Variants in FADS2 observed in about 807,000 individuals in gnomAD.
FADS2 encodes acyl-CoA 6-desaturase.
FADS2 carries 18 observed loss-of-function variants against 61.2 expected under a neutral mutation model. That is an observed-to-expected ratio of 0.29 (90% CI 0.20 to 0.44). FADS2 has a LOEUF of 0.44. FADS2 is among the 20% of genes least tolerant of loss of function. The pLI, the probability that FADS2 is intolerant of heterozygous loss-of-function variation, is 1.00. For missense variants in FADS2, 322 were observed against 572.7 expected, an observed-to-expected ratio of 0.56 and a Z score of 4.47; for synonymous variants, 203 against 223.9, an observed-to-expected ratio of 0.91 and a Z score of 0.83.
intron 1 of FADS2, among the ~76,000 whole-genome samples, chr11:61,821,814 G>T (rs1477894090): frequency 2.0e-5 from 3 of 152,224 alleles, no homozygotes; most frequent in Admixed American, 6.5e-5. Flanking sequence ...ATGACATATA[G>T]TGCTTAAACT....
chr11:61,865,022 TTGAGAC>T lies in FADS2; in HGVS notation c.1158-127_1158-122del, dbSNP rs1223756442. The stretch of plus-strand genomic sequence containing the variant: ...CTGGGCACACACGAGGAGCCACACT[TTGAGAC>T]TGGTCCTGGCTGTGGACAGGGTCTC... On this transcript the variant is annotated intron_variant, in intron 10 of 11. Coordinates refer to ENST00000278840, the MANE Select transcript of FADS2 (RefSeq NM_004265.4). The surrounding 1 kb of genome is among the most constrained non-coding windows in gnomAD (Gnocchi z 4.1). 8.8e-7 allele frequency: 1 copy of T among 1,130,096 alleles called. No homozygotes were observed. The highest frequency in any genetic ancestry group is 1.5e-5 in the African/African-American group (1 of 64,740). 70.0% of individuals were successfully genotyped at this position (1,130,096 alleles called of 1,614,324 possible).
rs1211208629 is a variant in FADS2 at position 61,840,220 on chromosome 11, T to C, written c.319-114T>C. On this transcript the variant is annotated intron_variant, in intron 2 of 11. Transcript: ENST00000278840. ...GGTCGAGGCTTGTGGCTTGGCCCCC[T>C]CTTGCCACAGCTTCTCTGGGTTGTG... 28 of 876,492 alleles carry C rather than the reference T, an allele frequency of 3.2e-5. 1 individual carries two copies. Among genetic ancestry groups the C allele is most frequent in the Admixed American group, 5.9e-5 (3 of 50,586 alleles). 54.3% of individuals were successfully genotyped at this position (876,492 alleles called of 1,614,324 possible). A position where few individuals can be genotyped will look rare whatever the true frequency, so the allele number is the denominator to read the frequency against.
upstream of FADS2, chr11:61,826,206 G>A (rs1195260980): frequency 8.5e-6 from 6 of 702,274 alleles, no homozygotes; most frequent in African/African-American, 3.5e-5. Context: ...CCCATCTACC[G>A]CCGGCCTCAT....
intron 10 of FADS2, among the ~76,000 whole-genome samples, chr11:61,864,474 T>C (rs2067444918): frequency 6.6e-6 from 1 of 152,048 alleles, no homozygotes; most frequent in Non-Finnish European, 1.5e-5. Context: ...GCTCACTGCA[T>C]CCTCCACCTA....
At chr11:61,860,782 G>A (rs572443186) in intron 7 of FADS2, among the ~76,000 whole-genome samples, 13 of 152,242 alleles carry the variant, frequency 8.5e-5, no homozygotes, top group Admixed American at 2.0e-4. Context: ...GGTGATGCGC[G>A]CCTGTAATCT....
At chr11:61,859,367 T>C (rs2135977612) in intron 7 of FADS2, among the ~76,000 whole-genome samples, 1 of 152,336 alleles carries the variant, frequency 6.6e-6, no homozygotes, top group Non-Finnish European at 1.5e-5. Context: ...TGTTGATTAC[T>C]GTTTTATCGC....
chr11:61,826,290 C>G (rs945985566), upstream of FADS2: 2 of 702,510 alleles, frequency 2.8e-6, no homozygotes, highest in Non-Finnish European at 5.2e-6. Flanking sequence ...CAGGACCTAC[C>G]CTGGCTGGTA....
At position 61,816,737 on chromosome 11, in the gene FADS2, C is replaced by A. The variant is rs1565322810; in HGVS notation, c.141+311C>A. 1 of 1,555,682 alleles carries A rather than the reference C, an allele frequency of 6.4e-7. No individual in the cohort carries two copies. Among genetic ancestry groups the A allele is most frequent in the East Asian group, 2.4e-5 (1 of 41,650 alleles). ...GTAGGTCCCTGAGCCGCGGTCTCGG[C>A]GGCCACCGGGTCGGGGGCCATAGCT... On this transcript the variant is annotated intron_variant, in intron 1 of 11. Transcript: ENST00000257261. This position sits in a 1 kb window ranked among gnomAD's most constrained non-coding sequence, Gnocchi z 7.0.
rs375030295 is a variant in FADS2, at chr11:61,821,356, CTG to C, written c.141+4932_141+4933del. 11 of 699,534 alleles carry C rather than the reference CTG, an allele frequency of 1.6e-5. No individual in the cohort carries two copies. The African/African-American group carries it at 1.9e-4, about 12-fold the overall frequency. The allele number at this position is 699,534 out of a possible 1,614,324, so 43.3% of individuals were successfully genotyped here. A position where few individuals can be genotyped will look rare whatever the true frequency, so the allele number is the denominator to read the frequency against. On this transcript the variant is annotated intron_variant, in intron 1 of 11. Transcript: ENST00000257261. ...ACAACATAGTGAGACCCCTTCCTAA[CTG>C]TCCCACCATTTTCTCTCTAAAGAAA...
rs1037557966 is a variant in FADS2, at chr11:61,860,511, C to G, written c.883-2461C>G. ...TTCCTGTTGGCTTCCAGGTCCCCAC[C>G]TCTGCTGGCTTCTTCCCAACCCCCT... is the stretch of plus-strand genomic sequence containing the variant. On this transcript the variant is annotated intron_variant, in intron 7 of 11. Transcript: ENST00000278840. Among the ~76,000 whole-genome samples the G allele has an allele frequency of 2.0e-5, 3 of 152,364 alleles. No homozygotes were observed. In the East Asian group the frequency reaches 5.8e-4, roughly 29 times the overall value.
chr11:61,857,656 T>G, intron 7 of FADS2, 126 bp downstream of exon 7: 1 of 729,764 alleles, frequency 1.4e-6, no homozygotes. Context: ...ATCTCCTCCC[T>G]GGGGTAGCTG....
chr11:61,824,193 C>G (rs1215578137), upstream of FADS2, among the ~76,000 whole-genome samples: 1 of 151,698 alleles, frequency 6.6e-6, no homozygotes, highest in Non-Finnish European at 1.5e-5. Context: ...ACCAACCTCA[C>G]CAACATGGAG....
intron 1 of FADS2, among the ~76,000 whole-genome samples, chr11:61,832,191 A>G (rs1208857450): frequency 6.6e-6 from 1 of 152,186 alleles, no homozygotes; most frequent in Non-Finnish European, 1.5e-5. Flanking sequence ...CTTAGAATCA[A>G]GGGAAGGTGA....
intron 1 of FADS2, among the ~76,000 whole-genome samples, chr11:61,832,485 C>G (rs2067138326): frequency 6.6e-6 from 1 of 152,178 alleles, no homozygotes; most frequent in Admixed American, 6.5e-5. Context: ...AGAATGGCAT[C>G]AATTTCTTCA....
intron 4 of FADS2, 92 bp downstream of exon 4, chr11:61,840,817 CA>C: frequency 1.0e-6 from 1 of 986,038 alleles, no homozygotes. Context: ...TCTGAGGCTA[CA>C]GGGTGACAAG....
intron 4 of FADS2, among the ~76,000 whole-genome samples, chr11:61,844,786 G>A (rs1181903268): frequency 4.0e-5 from 6 of 148,972 alleles, no homozygotes; most frequent in Non-Finnish European, 8.9e-5. Flanking sequence ...TTAGCCGGGC[G>A]TGGTGGCACA....
At chr11:61,858,427 C>CCTCA (rs1365286332) in intron 7 of FADS2, among the ~76,000 whole-genome samples, 1 of 151,892 alleles carries the variant, frequency 6.6e-6, no homozygotes, top group Non-Finnish European at 1.5e-5. Context: ...GATCTGCCCG[C>CCTCA]CTCAGCCTCA....
At chr11:61,845,671 T>A (rs1224952099) in intron 4 of FADS2, among the ~76,000 whole-genome samples, 1 of 151,050 alleles carries the variant, frequency 6.6e-6, no homozygotes, top group East Asian at 2.0e-4. Context: ...CGGGCGCCTA[T>A]AATCTCAGCT....
At chr11:61,844,146 AT>A (rs1461205763) in intron 4 of FADS2, among the ~76,000 whole-genome samples, 2 of 152,384 alleles carry the variant, frequency 1.3e-5, no homozygotes, top group South Asian at 2.1e-4. Flanking sequence ...AGTTAAAAAA[AT>A]ATTTAACAAT....
Sources: gnomAD v4.1 joint callset for allele counts (sites outside exome capture counted in the v4.1 genomes callset) on GRCh38, gnomAD v4.1.1 for gene constraint, Gnocchi (gnomAD v3.1) non-coding constraint, MANE v1.5 for transcripts, NCBI Gene and HGNC (gene_info 2026-07-23, HGNC 2026-07-21) for gene names.